SEPTIN1: variants seen among roughly 807,000 people sequenced by gnomAD.
SEPTIN1 encodes septin-1.
A neutral mutation model predicts 50.7 loss-of-function variants in SEPTIN1; 52 were observed. That is an observed-to-expected ratio of 1.03 (90% CI 0.82 to 1.29). The LOEUF (loss-of-function observed/expected upper bound fraction) is 1.29, where lower values mean the gene tolerates loss of function less well. Ranked by LOEUF, SEPTIN1 falls within the 50% of genes most tolerant of loss-of-function variation. SEPTIN1 has a pLI of 0.00. For synonymous variants in SEPTIN1, 204 were observed against 189.1 expected (o/e 1.08, Z -0.65); for missense variants, 455 against 490.7 (o/e 0.93, Z 0.69).
upstream of SEPTIN1, chr16:30,382,610 G>A: frequency 6.4e-7 from 1 of 1,552,328 alleles, no homozygotes; most frequent in Non-Finnish European, 8.7e-7. This position sits in a 1 kb window ranked among gnomAD's most constrained non-coding sequence, Gnocchi z 4.8. Context: ...TAACAAGGGG[G>A]CGGGCAGAAG....
In SEPTIN1 at chr16:30,379,008, C is replaced by T. The variant is rs1288500922; in HGVS notation, c.941+10G>A. 6.2e-7 allele frequency: 1 copy of T among 1,611,442 alleles called. No individual in the cohort carries two copies. Among genetic ancestry groups the T allele is most frequent in the Non-Finnish European group, 8.5e-7 (1 of 1,179,100 alleles). On this transcript the variant is annotated intron_variant, in intron 9 of 10. Coordinates refer to ENST00000321367, the MANE Select transcript of SEPTIN1 (RefSeq NM_001365977.2). ...TTGGAGGCTCTGATACTGTCCGCCC[C>T]GGGTCTCACCTGCGGCTGGCTCGAT...
Position 30,381,494 on chromosome 16 carries a change from T to A in SEPTIN1, c.321-21A>T. 2 of 1,613,480 alleles carry A rather than the reference T, an allele frequency of 1.2e-6. No homozygotes were observed. The highest frequency in any genetic ancestry group is 1.7e-6 in the Non-Finnish European group (2 of 1,179,814). On this transcript the variant is annotated intron_variant, in intron 4 of 10. Transcript: ENST00000321367. The surrounding 1 kb of genome is among the most constrained non-coding windows in gnomAD (Gnocchi z 4.3). Reference sequence around the variant, plus strand: ...GCCAGCTGGGTGTGGGGAGAGGATGTGAGGTCAGAGATCAAAGGCCAGAGG... The same window carrying A: ...GCCAGCTGGGTGTGGGGAGAGGATGAGAGGTCAGAGATCAAAGGCCAGAGG...
chr16:30,381,464 C>T lies in SEPTIN1; in HGVS notation c.330G>A (p.Pro110=), dbSNP rs371180473. The T allele has an allele frequency of 6.8e-6, 11 of 1,613,998 alleles. No homozygotes were observed. Among genetic ancestry groups the T allele is most frequent in the East Asian group, 2.2e-5 (1 of 44,882 alleles). Residue 110 remains proline (P), a synonymous_variant, in exon 5 of 11, where the codon CCG becomes CCA. Coordinates refer to ENST00000321367, the MANE Select transcript of SEPTIN1 (RefSeq NM_001365977.2). The surrounding 1 kb of genome is among the most constrained non-coding windows in gnomAD (Gnocchi z 4.3). The stretch of plus-strand genomic sequence containing the variant: ...ATTGCTCCTCGATGAATTTCACCAC[C>T]GGAAGCCAGCTGGGTGTGGGGAGAG... The part of the protein sequence containing the change: ...DSVDCSDCWL[P]VVKFIEEQFE...
chr16:30,378,847 A>AGAGAGAGG, intron 9 of SEPTIN1, 147 bp from the exon 10 acceptor site: 1 of 530,494 alleles, frequency 1.9e-6, no homozygotes. Flanking sequence ...GCGGGTGGGG[A>AGAGAGAGG]GAGAGGGGGA....
At chr16:30,378,724 A>G (rs749031577) in intron 9 of SEPTIN1, 24 bp from the exon 10 acceptor site, 26 of 1,598,148 alleles carry the variant, frequency 1.6e-5, no homozygotes, top group Non-Finnish European at 2.2e-5. Context: ...GGAAGGGGAC[A>G]GGAATCAGGA....
chr16:30,380,890 T>C (rs1431932491), intron 6 of SEPTIN1: 7 of 571,378 alleles, frequency 1.2e-5, no homozygotes, highest in African/African-American at 5.6e-5. Context: ...TCTATGCTCC[T>C]GCCCTCAAAT....
intron 6 of SEPTIN1, 67 bp from the exon 7 acceptor site, chr16:30,380,100 A>C: frequency 7.7e-7 from 1 of 1,299,784 alleles, no homozygotes; most frequent in Admixed American, 2.1e-5. Flanking sequence ...ATGACCAGAG[A>C]CAGTGAGACA....
In SEPTIN1 at chr16:30,378,193, C is replaced by CGAGT. The variant is rs1567421443; in HGVS notation, c.*240_*241insACTC. On this transcript the variant is annotated 3_prime_UTR_variant, in exon 11 of 11. Transcript: ENST00000321367. ...GAGTCTGGGAGAAGAAGGGGGACTC[C>CGAGT]GGAAGACAGTGATGCGGTCGGAGAT... 1.4e-6 allele frequency: 1 copy of CGAGT among 698,060 alleles called. No homozygotes were observed. Among genetic ancestry groups the CGAGT allele is most frequent in the South Asian group, 1.5e-5 (1 of 65,406 alleles). 43.2% of individuals were successfully genotyped at this position (698,060 alleles called of 1,614,324 possible).
chr16:30,378,985 G>C, intron 9 of SEPTIN1, 33 bp downstream of exon 9: 1 of 1,597,398 alleles, frequency 6.3e-7, no homozygotes, highest in East Asian at 2.2e-5. Flanking sequence ...GCGGGACCTT[G>C]GAGGCTCTGA....
chr16:30,381,281 G>C lies in SEPTIN1; in HGVS notation c.456-37C>G. The C allele has an allele frequency of 3.1e-6, 5 of 1,612,574 alleles. No homozygotes were observed. The highest frequency in any genetic ancestry group is 4.2e-6 in the Non-Finnish European group (5 of 1,178,710). Reference sequence around the variant, plus strand: ...GATTGGTCATTGCCCAGCCTCAGGGGGCAGAGACCCCCCAGCCCTCCCTAA... The same window carrying C: ...GATTGGTCATTGCCCAGCCTCAGGGCGCAGAGACCCCCCAGCCCTCCCTAA... On this transcript the variant is annotated intron_variant, in intron 5 of 10. Transcript: ENST00000321367. The surrounding 1 kb of genome is among the most constrained non-coding windows in gnomAD (Gnocchi z 4.3).
At chr16:30,380,111 C>G in intron 6 of SEPTIN1, 78 bp from the exon 7 acceptor site, 1 of 1,196,246 alleles carries the variant, frequency 8.4e-7, no homozygotes, top group Non-Finnish European at 1.2e-6. Flanking sequence ...CAGTGAGACA[C>G]AGAGATACTG....
chr16:30,381,266 T>C lies in SEPTIN1; in HGVS notation c.456-22A>G, dbSNP rs1323557087. On this transcript the variant is annotated intron_variant, in intron 5 of 10. Transcript: ENST00000321367. The surrounding 1 kb of genome is among the most constrained non-coding windows in gnomAD (Gnocchi z 4.3). Reference sequence around the variant, plus strand: ...GAGCCTGCACCCAGGGATTGGTCATTGCCCAGCCTCAGGGGGCAGAGACCC... The same window carrying C: ...GAGCCTGCACCCAGGGATTGGTCATCGCCCAGCCTCAGGGGGCAGAGACCC... 2.5e-6 allele frequency: 4 copies of C among 1,613,476 alleles called. No homozygotes were observed. The highest frequency in any genetic ancestry group is 2.7e-5 in the African/African-American group (2 of 74,856).
rs1170804760 is a variant in SEPTIN1, at chr16:30,382,283, A to G, written c.101T>C (p.Met34Thr). 6 of 1,613,666 alleles carry G rather than the reference A, an allele frequency of 3.7e-6. No homozygotes were observed. Among genetic ancestry groups the G allele is most frequent in the Non-Finnish European group, 5.1e-6 (6 of 1,179,808 alleles). The change falls in exon 2 of 11, where the codon ATG (methionine) becomes ACG (threonine). Residue 34 changes from methionine (M) to threonine (T), a missense_variant. Physicochemically the swap from Met to Thr is moderately conservative, Grantham distance 81 (BLOSUM62 -1). Transcript: ENST00000321367. The surrounding 1 kb of genome is among the most constrained non-coding windows in gnomAD (Gnocchi z 4.8). The stretch of plus-strand genomic sequence containing the variant: ...CTCCAAAACCCCCAGACCTGCCACC[A>G]TTAGCGTGAAGTCAAACCCCTTCTT... ...SVKKGFDFTL[M>T]VAGESGLGKS...
chr16:30,382,620 G>A, upstream of SEPTIN1: 1 of 1,547,770 alleles, frequency 6.5e-7, no homozygotes, highest in Non-Finnish European at 8.7e-7. This position sits in a 1 kb window ranked among gnomAD's most constrained non-coding sequence, Gnocchi z 4.8. Context: ...GCGGGCAGAA[G>A]AGGCAGCTGA....
Position 30,382,020 on chromosome 16 carries a change from C to T in SEPTIN1, c.196+73G>A, listed in dbSNP as rs2049856185. The T allele has an allele frequency of 1.3e-6, 2 of 1,597,564 alleles. No individual in the cohort carries two copies. Among genetic ancestry groups the T allele is most frequent in the East Asian group, 2.2e-5 (1 of 44,604 alleles). ...AAAAAAAGCAGTCAACTACCTGAGT[C>T]CCCAGATGGAAAAGACTAGGGTGTA... On this transcript the variant is annotated intron_variant, in intron 3 of 10. Coordinates refer to ENST00000321367, the MANE Select transcript of SEPTIN1 (RefSeq NM_001365977.2). This position sits in a 1 kb window ranked among gnomAD's most constrained non-coding sequence, Gnocchi z 4.8.
At chr16:30,380,100 A>T (rs1003931757) in intron 6 of SEPTIN1, 67 bp from the exon 7 acceptor site, 22 of 1,299,666 alleles carry the variant, frequency 1.7e-5, no homozygotes, top group Non-Finnish European at 2.2e-5. Flanking sequence ...ATGACCAGAG[A>T]CAGTGAGACA....
chr16:30,379,147 C>T lies in SEPTIN1; in HGVS notation c.812G>A (p.Arg271Gln). 1.2e-6 allele frequency: 2 copies of T among 1,614,114 alleles called. No individual in the cohort carries two copies. The highest frequency in any genetic ancestry group is 1.7e-6 in the Non-Finnish European group (2 of 1,180,012). Reference protein sequence around the residue: ...NPHHCDFLNLRRMLVQTHLQD... With the variant: ...NPHHCDFLNLQRMLVQTHLQD... Reference sequence around the variant, plus strand: ...CAGGTGTGTCTGCACCAGCATCCGTCGCAGGTTCAGGAAATCGCAGTGATG... The same window carrying T: ...CAGGTGTGTCTGCACCAGCATCCGTTGCAGGTTCAGGAAATCGCAGTGATG... The change falls in exon 9 of 11, where the codon CGA becomes CAA. Residue 271 changes from arginine to glutamine, a missense_variant. Coordinates refer to ENST00000321367, the MANE Select transcript of SEPTIN1 (RefSeq NM_001365977.2).
chr16:30,381,502 G>A lies in SEPTIN1; in HGVS notation c.321-29C>T, dbSNP rs1225675979. 1 of 1,613,468 alleles carries A rather than the reference G, an allele frequency of 6.2e-7. No individual in the cohort carries two copies. The highest frequency in any genetic ancestry group is 2.2e-5 in the East Asian group (1 of 44,886). On this transcript the variant is annotated intron_variant, in intron 4 of 10. Transcript: ENST00000321367. This position sits in a 1 kb window ranked among gnomAD's most constrained non-coding sequence, Gnocchi z 4.3. The stretch of plus-strand genomic sequence containing the variant: ...GGTGTGGGGAGAGGATGTGAGGTCA[G>A]AGATCAAAGGCCAGAGGGCAGGGGG...
In SEPTIN1 at chr16:30,381,043, A is replaced by G; in HGVS notation, c.573+84T>C. The stretch of plus-strand genomic sequence containing the variant: ...TAGCCTGATGCACCATGCTCCAGAA[A>G]GGCCACTTCAAGATCAAAGAAGTCT... On this transcript the variant is annotated intron_variant, in intron 6 of 10. Transcript: ENST00000321367. The surrounding 1 kb of genome is among the most constrained non-coding windows in gnomAD (Gnocchi z 4.3). 1 of 1,101,362 alleles carries G rather than the reference A, an allele frequency of 9.1e-7. No individual in the cohort carries two copies. 68.2% of individuals were successfully genotyped at this position (1,101,362 alleles called of 1,614,324 possible). A position where few individuals can be genotyped will look rare whatever the true frequency, so the allele number is the denominator to read the frequency against.
Sources: gnomAD v4.1 joint callset for allele counts on GRCh38, gnomAD v4.1.1 for gene constraint, Gnocchi (gnomAD v3.1) non-coding constraint, MANE v1.5 for transcripts, NCBI Gene and HGNC (gene_info 2026-07-23, HGNC 2026-07-21) for gene names.